The following CLIP1 variants were observed in gnomAD, a reference collection of about 807,000 sequenced individuals.
CLIP1 encodes the protein CAP-Gly domain-containing linker protein 1.
Under a neutral mutation model 161.6 loss-of-function variants are expected in CLIP1, and 66 were observed. The ratio of observed to expected loss-of-function variants is 0.41; its 90% CI spans 0.33 to 0.50. The LOEUF (loss-of-function observed/expected upper bound fraction) is 0.50, where lower values mean the gene tolerates loss of function less well. Ranked by LOEUF, CLIP1 falls within the 20% of genes least tolerant of loss-of-function variation. The probability of loss-of-function intolerance (pLI) is 0.27; values close to 1 mark genes in which losing one functional copy is unlikely to be tolerated. For missense variants in CLIP1, 1,376 were observed against 1,702.0 expected (o/e 0.81, Z 3.37); for synonymous variants, 598 against 626.2 (o/e 0.96, Z 0.67).
At chr12:122,332,256 T>A (rs1281611141) in intron 15 of CLIP1, among the ~76,000 whole-genome samples, 1 of 149,230 alleles carries the variant, frequency 6.7e-6, no homozygotes, top group South Asian at 2.1e-4. Flanking sequence ...GATCGCACCA[T>A]TGCACTCCAG....
intron 1 of CLIP1, among the ~76,000 whole-genome samples, chr12:122,414,867 T>C (rs907126005): frequency 2.0e-5 from 3 of 151,960 alleles, no homozygotes; most frequent in Non-Finnish European, 4.4e-5. Flanking sequence ...GTTCCGCCTA[T>C]ATGGGAAACA....
At chr12:122,275,246 C>A (rs963538454) in intron 24 of CLIP1, 3 of 152,120 alleles carry the variant, frequency 2.0e-5, no homozygotes, top group African/African-American at 4.8e-5. Flanking sequence ...AGAAAAAAAT[C>A]TTGCATTCTC....
intron 1 of CLIP1, among the ~76,000 whole-genome samples, chr12:122,393,665 A>C (rs1304309237): frequency 6.6e-6 from 1 of 152,126 alleles, no homozygotes; most frequent in Non-Finnish European, 1.5e-5. Context: ...TAATCCCAGC[A>C]CTTTGGGAAG....
At position 122,384,225 on chromosome 12, in the gene CLIP1, T is replaced by C. The variant is rs541175647; in HGVS notation, c.-106-3667A>G. On this transcript the variant is annotated intron_variant, in intron 1 of 25. Transcript: ENST00000620786. ...ATTGTGATTCCAAAGTTCATCTCTT[T>C]TCACTAAATTTAATATTAAAACTTA... is the stretch of plus-strand genomic sequence containing the variant. Among the ~76,000 whole-genome samples the C allele has an allele frequency of 7.9e-4, 120 of 152,272 alleles. 2 individuals are homozygous for C. The highest frequency in any genetic ancestry group is 2.7e-3 in the African/African-American group (114 of 41,558).
At chr12:122,415,166 G>A (rs755747472) in intron 1 of CLIP1, among the ~76,000 whole-genome samples, 9 of 152,138 alleles carry the variant, frequency 5.9e-5, no homozygotes, top group Non-Finnish European at 8.8e-5. Context: ...AAATACTGAC[G>A]ACTGACACTG....
At chr12:122,420,298 T>A (rs1286555598) in intron 1 of CLIP1, among the ~76,000 whole-genome samples, 9 of 150,878 alleles carry the variant, frequency 6.0e-5, no homozygotes, top group African/African-American at 2.2e-4. Context: ...TGAGCCGAGA[T>A]CACTCCATTG....
intron 1 of CLIP1, among the ~76,000 whole-genome samples, chr12:122,419,007 C>T (rs1229864784): frequency 6.6e-6 from 1 of 152,198 alleles, no homozygotes; most frequent in Admixed American, 6.5e-5. Flanking sequence ...TACTATACTA[C>T]CTTCTGTTTT....
intron 19 of CLIP1, among the ~76,000 whole-genome samples, chr12:122,314,290 CAAA>C (rs35901280): frequency 1.4e-4 from 14 of 99,050 alleles, no homozygotes; most frequent in African/African-American, 2.8e-4. Flanking sequence ...GACTCCATCT[CAAA>C]AAAAAAAAAA....
At chr12:122,382,795 A>G (rs570275174) in intron 1 of CLIP1, among the ~76,000 whole-genome samples, 1 of 152,280 alleles carries the variant, frequency 6.6e-6, no homozygotes, top group East Asian at 1.9e-4. Flanking sequence ...TGAAGACAGA[A>G]GTCACTATCC....
Position 122,355,511 on chromosome 12 carries a change from T to C in CLIP1, c.1006-199A>G. 2 of 575,034 alleles carry C rather than the reference T, an allele frequency of 3.5e-6. No homozygotes were observed. Among genetic ancestry groups the C allele is most frequent in the Non-Finnish European group, 6.2e-6 (2 of 320,880 alleles). The allele number at this position is 575,034 out of a possible 1,614,324, so 35.6% of individuals were successfully genotyped here. A position where few individuals can be genotyped will look rare whatever the true frequency, so the allele number is the denominator to read the frequency against. On this transcript the variant is annotated intron_variant, in intron 5 of 25. Coordinates refer to ENST00000620786, the MANE Select transcript of CLIP1 (RefSeq NM_001247997.2). This position sits in a 1 kb window ranked among gnomAD's most constrained non-coding sequence, Gnocchi z 4.1. ...GTCTATAAATCTCACAAAGAATACA[T>C]CAACGTAAAGAGATCAGCCAGGTGC...
Position 122,361,181 on chromosome 12 carries a change from C to G in CLIP1, c.783G>C (p.Arg261Ser). 1 of 1,605,724 alleles carries G rather than the reference C, an allele frequency of 6.2e-7. No homozygotes were observed. Among genetic ancestry groups the G allele is most frequent in the South Asian group, 1.1e-5 (1 of 90,524 alleles). Residue 261 changes from arginine to serine, a missense_variant and splice_region_variant, in exon 5 of 26, where the codon AGG becomes AGC. Arg to Ser is a moderately radical substitution (Grantham distance 110). Around this residue, in one of 6 missense-constraint regions of CLIP1, gnomAD observed 211 missense variants for 295.1 expected, o/e 0.72. Transcript: ENST00000620786. The stretch of plus-strand genomic sequence containing the variant: ...CATATTTGGGTTGACACTGAAAATA[C>G]CTTTAGAGAACAATAAGAACAATAA... ...GKNDGAVAGTRYFQCQPKYGL... is the reference protein window; with the variant it reads ...GKNDGAVAGTSYFQCQPKYGL...
intron 12 of CLIP1, 79 bp from the exon 13 acceptor site, chr12:122,334,784 C>T (rs761346869): frequency 5.1e-5 from 44 of 862,342 alleles, no homozygotes; most frequent in South Asian, 8.7e-5. Flanking sequence ...ATTATAACTA[C>T]GATACTGTCT....
chr12:122,319,094 A>G, intron 18 of CLIP1, 138 bp downstream of exon 18: 1 of 629,164 alleles, frequency 1.6e-6, no homozygotes, highest in Non-Finnish European at 2.9e-6. Flanking sequence ...ATTTAAGATT[A>G]TCGTGGCTCT....
At chr12:122,292,116 C>A (rs1174981751) in intron 20 of CLIP1, among the ~76,000 whole-genome samples, 1 of 152,012 alleles carries the variant, frequency 6.6e-6, no homozygotes, top group Non-Finnish European at 1.5e-5. Flanking sequence ...CTCAGCCTCC[C>A]AAGTAGCTGG....
chr12:122,405,431 G>A (rs955888926), intron 1 of CLIP1, among the ~76,000 whole-genome samples: 1 of 152,044 alleles, frequency 6.6e-6, no homozygotes. Flanking sequence ...CTTCATACAC[G>A]ATATATTATA....
chr12:122,302,967 A>C (rs991698383), intron 20 of CLIP1, among the ~76,000 whole-genome samples: 2 of 152,034 alleles, frequency 1.3e-5, no homozygotes, highest in Non-Finnish European at 2.9e-5. Context: ...CCTAAGCTCA[A>C]ACAGTCTCCT....
In CLIP1 at chr12:122,399,101, T is replaced by G. The variant is rs11057944; in HGVS notation, c.-106-18543A>C. On this transcript the variant is annotated intron_variant, in intron 1 of 25. Coordinates refer to ENST00000620786, the MANE Select transcript of CLIP1 (RefSeq NM_001247997.2). ...TTTCTTAAGGTTATGTTTACTCCTA[T>G]TTTTTAAATGTCATGGTTCAAATAA... Among the ~76,000 whole-genome samples the G allele has an allele frequency of 2.0e-4, 31 of 152,244 alleles. No homozygotes were observed. The East Asian group carries it at 2.9e-3, about 14-fold the overall frequency.
chr12:122,412,455 G>A (rs1291915721), intron 1 of CLIP1, among the ~76,000 whole-genome samples: 1 of 151,928 alleles, frequency 6.6e-6, no homozygotes, highest in Non-Finnish European at 1.5e-5. Context: ...ATCAGTTTGA[G>A]ACCAGCCTGG....
chr12:122,376,005 C>T (rs909084945), intron 3 of CLIP1, among the ~76,000 whole-genome samples: 2 of 151,930 alleles, frequency 1.3e-5, no homozygotes, highest in Admixed American at 1.3e-4. Flanking sequence ...GTGACGCGAT[C>T]TTGGCTCACT....
Sources: allele counts gnomAD v4.1 joint callset (sites outside exome capture counted in the v4.1 genomes callset), GRCh38; gene constraint gnomAD v4.1.1; regional missense constraint gnomAD v4.1.1; non-coding constraint Gnocchi (gnomAD v3.1); transcripts MANE v1.5; gene names NCBI Gene and HGNC (gene_info 2026-07-23, HGNC 2026-07-21).